The following TARBP1 variants were observed in gnomAD, a reference collection of about 807,000 sequenced individuals.
TARBP1 encodes tRNA (guanosine(18)-2'-O)-methyltransferase TARBP1.
A neutral mutation model predicts 178.6 loss-of-function variants in TARBP1; 144 were observed. The observed-to-expected ratio is 0.81, with a 90% confidence interval of 0.70 to 0.93. TARBP1 has a LOEUF of 0.93. Among genes scored for constraint, TARBP1 ranks in the 40% least tolerant of loss-of-function variants. The probability of loss-of-function intolerance (pLI) is 0.00; values close to 1 mark genes in which losing one functional copy is unlikely to be tolerated. For missense variants in TARBP1, 2,067 were observed against 2,011.7 expected (o/e 1.03, Z -0.53); for synonymous variants, 787 against 781.0 (o/e 1.01, Z -0.13).
At chr1:234,407,262 C>T (rs2103056479) in intron 23 of TARBP1, 1 of 152,146 alleles carries the variant, frequency 6.6e-6, no homozygotes, top group East Asian at 1.9e-4. Context: ...AGTGAGAAGT[C>T]ACGCTCCCCC....
Position 234,406,028 on chromosome 1 carries a change from C to G in TARBP1, c.3864G>C (p.Leu1288=), listed in dbSNP as rs771778175. The G allele has an allele frequency of 6.8e-6, 11 of 1,614,060 alleles. No homozygotes were observed. In the South Asian group the frequency reaches 9.9e-5, roughly 14 times the overall value. ...WCFNHNFSVR[L]YALVALKKLW... ...GTTTCTTAAGAGCAACTAAAGCATA[C>G]AGTCGAACACTAAAATTGTGATTGA... Residue 1288 remains leucine, a synonymous_variant, in exon 24 of 30, where the codon CTG becomes CTC. Transcript: ENST00000040877.
At chr1:234,398,161 CTTTT>C (rs35248474) in intron 26 of TARBP1, 36 of 259,666 alleles carry the variant, frequency 1.4e-4, no homozygotes, top group East Asian at 1.3e-3. Flanking sequence ...CTTCCTTTGG[CTTTT>C]TTTTTTTTTT....
intron 24 of TARBP1, among the ~76,000 whole-genome samples, chr1:234,402,267 G>C (rs1248271046): frequency 1.3e-5 from 2 of 152,174 alleles, no homozygotes; most frequent in Non-Finnish European, 2.9e-5. Context: ...ATGCCTTTCT[G>C]CACTGTTCAA....
At chr1:234,426,051 C>T (rs539963975) in intron 19 of TARBP1, among the ~76,000 whole-genome samples, 8 of 152,302 alleles carry the variant, frequency 5.3e-5, no homozygotes, top group Admixed American at 1.3e-4. Flanking sequence ...TCAATGCACA[C>T]GCTGCTGAAC....
chr1:234,469,075 TTTAAAAAAA>T (rs763205885), intron 3 of TARBP1, among the ~76,000 whole-genome samples: 27,440 of 59,436 alleles, frequency 0.46, 3,880 homozygotes, highest in Non-Finnish European at 0.47. Flanking sequence ...TTTTTTTTTT[TTTAAAAAAA>T]AAAAAAAGGC....
chr1:234,411,852 T>C (rs1464339045), intron 22 of TARBP1, among the ~76,000 whole-genome samples: 3 of 152,074 alleles, frequency 2.0e-5, no homozygotes, highest in Non-Finnish European at 2.9e-5. Flanking sequence ...GCCAGACAGA[T>C]TGGAAAGAAA....
Position 234,422,042 on chromosome 1 carries a change from T to C in TARBP1, c.3445-1230A>G, listed in dbSNP as rs966248575. Among the ~76,000 whole-genome samples the C allele has an allele frequency of 1.9e-4, 29 of 152,246 alleles. 1 individual carries two copies. Among genetic ancestry groups the C allele is most frequent in the African/African-American group, 6.8e-4 (28 of 41,464 alleles). ...ATAATTTCTGTTAAGAATTTTCTTC[T>C]GATATAGGTGTGTTTAGGTTTCACA... On this transcript the variant is annotated intron_variant, in intron 20 of 29. Coordinates refer to ENST00000040877, the MANE Select transcript of TARBP1 (RefSeq NM_005646.4).
rs374608757 is a variant in TARBP1 at position 234,429,460 on chromosome 1, G to C, written c.2827C>G (p.Gln943Glu). Reference sequence around the variant, plus strand: ...AAGCAATGGAACACTGGTAAAACTTGATCAGAAGAAAGAACTGTGAGGGCT... The same window carrying C: ...AAGCAATGGAACACTGGTAAAACTTCATCAGAAGAAAGAACTGTGAGGGCT... ...LEALTVLSSD[Q>E]VLPVFHCLKV... Residue 943 changes from glutamine to glutamate, a missense_variant, in exon 16 of 30, where the codon CAA becomes GAA. Coordinates refer to ENST00000040877, the MANE Select transcript of TARBP1 (RefSeq NM_005646.4). The C allele has an allele frequency of 6.6e-5, 106 of 1,613,856 alleles. No homozygotes were observed. Among genetic ancestry groups the C allele is most frequent in the Non-Finnish European group, 8.4e-5 (99 of 1,179,976 alleles).
At chr1:234,464,279 C>G (rs947258327) in intron 5 of TARBP1, among the ~76,000 whole-genome samples, 1 of 152,144 alleles carries the variant, frequency 6.6e-6, no homozygotes, top group African/African-American at 2.4e-5. Flanking sequence ...TTGTTCCCAA[C>G]ATGTAATCCA....
intron 2 of TARBP1, 26 bp downstream of exon 2, chr1:234,472,688 A>G (rs1571886292): frequency 6.7e-7 from 1 of 1,495,382 alleles, no homozygotes; most frequent in Non-Finnish European, 9.1e-7. Context: ...CTACTGTAGG[A>G]TTTGCTAAAA....
At chr1:234,392,621 A>AAAAAACGTATT in intron 28 of TARBP1, 69 bp from the exon 29 acceptor site, 1 of 1,446,324 alleles carries the variant, frequency 6.9e-7, no homozygotes, top group Non-Finnish European at 9.5e-7. Flanking sequence ...AATTAGAGTT[A>AAAAAACGTATT]AAAAACGTAT....
At chr1:234,398,343 TCAA>T in intron 26 of TARBP1, 36 bp downstream of exon 26, 2 of 1,529,812 alleles carry the variant, frequency 1.3e-6, no homozygotes, top group Non-Finnish European at 1.8e-6. Context: ...TCTAACCAGA[TCAA>T]CAAGGGGAAA....
chr1:234,449,901 T>C (rs955831992), intron 10 of TARBP1, among the ~76,000 whole-genome samples: 5 of 152,252 alleles, frequency 3.3e-5, no homozygotes, highest in African/African-American at 1.2e-4. Context: ...TTGTCTTATA[T>C]ATTTCCTCAA....
chr1:234,430,759 C>T (rs1664350338), intron 14 of TARBP1, among the ~76,000 whole-genome samples: 1 of 152,162 alleles, frequency 6.6e-6, no homozygotes, highest in South Asian at 2.1e-4. Flanking sequence ...ATAATTCCTT[C>T]TATCAGCTGC....
intron 10 of TARBP1, among the ~76,000 whole-genome samples, chr1:234,449,462 A>G (rs1275422531): frequency 6.6e-6 from 1 of 152,192 alleles, no homozygotes; most frequent in Admixed American, 6.5e-5. Context: ...CAGAAATGAG[A>G]TTAAATGAAT....
intron 14 of TARBP1, among the ~76,000 whole-genome samples, chr1:234,432,355 C>T (rs12024737): frequency 0.13 from 20,350 of 151,986 alleles, 1,485 homozygotes; most frequent in Middle Eastern, 0.25. Flanking sequence ...GATAGGAGAA[C>T]TGCTTGAACC....
Position 234,393,365 on chromosome 1 carries a change from C to A in TARBP1, c.4557G>T (p.Val1519=). The A allele has an allele frequency of 1.9e-6, 3 of 1,548,242 alleles. No individual in the cohort carries two copies. The highest frequency in any genetic ancestry group is 2.5e-5 in the South Asian group (2 of 81,194). Residue 1519 remains valine, a synonymous_variant, in exon 28 of 30, where the codon GTG becomes GTT. Transcript: ENST00000040877. ...SVSAEQWLPL[V]EVKPPQLIDY... is the part of the protein sequence containing the mutation. ...TAATAAATTACTTTCCACCCACCTCCACTAGAGGAAGCCACTGTTCTGCAG... is the reference window on the plus strand; with the variant it reads ...TAATAAATTACTTTCCACCCACCTCAACTAGAGGAAGCCACTGTTCTGCAG...
Position 234,425,792 on chromosome 1 carries a change from T to C in TARBP1, c.3325A>G (p.Thr1109Ala), listed in dbSNP as rs759531299. Residue 1109 changes from threonine to alanine, a missense_variant and splice_region_variant, in exon 20 of 30, where the codon ACT becomes GCT. Thr to Ala is a moderately conservative substitution (Grantham distance 58, BLOSUM62 0). Coordinates refer to ENST00000040877, the MANE Select transcript of TARBP1 (RefSeq NM_005646.4). ...DCAANIVMEN[T>A]KREDHYVRIC... ...CTCACATAATGGTCTTCTCTCTTAGTACTAAAAAAATTAAATGATAAATTA... is the reference window on the plus strand; with the variant it reads ...CTCACATAATGGTCTTCTCTCTTAGCACTAAAAAAATTAAATGATAAATTA... 9 of 1,548,120 alleles carry C rather than the reference T, an allele frequency of 5.8e-6. No individual in the cohort carries two copies. The South Asian group carries it at 6.0e-5, about 10-fold the overall frequency.
At chr1:234,444,517 G>A (rs1665945315) in intron 12 of TARBP1, among the ~76,000 whole-genome samples, 1 of 152,100 alleles carries the variant, frequency 6.6e-6, no homozygotes, top group Non-Finnish European at 1.5e-5. Flanking sequence ...ACAGCCGTCT[G>A]GACTACCATC....
Sources: allele counts gnomAD v4.1 joint callset (sites outside exome capture counted in the v4.1 genomes callset), GRCh38; gene constraint gnomAD v4.1.1; transcripts MANE v1.5; gene names NCBI Gene and HGNC (gene_info 2026-07-23, HGNC 2026-07-21).